RIMS1: variants seen among roughly 807,000 people sequenced by gnomAD.
The protein encoded by RIMS1 is regulating synaptic membrane exocytosis protein 1.
RIMS1 carries 83 observed loss-of-function variants against 214.1 expected under a neutral mutation model. The observed-to-expected ratio is 0.39, with a 90% CI of 0.32 to 0.47. The LOEUF (loss-of-function observed/expected upper bound fraction) is 0.47. RIMS1 is among the 20% of genes least tolerant of loss of function. RIMS1 has a pLI of 0.99. For synonymous variants in RIMS1, 793 were observed against 786.8 expected (o/e 1.01, Z -0.13); for missense variants, 2,050 against 2,161.8 (o/e 0.95, Z 1.03).
intron 26 of RIMS1, among the ~76,000 whole-genome samples, chr6:72,306,677 G>A (rs1172280682): frequency 4.6e-5 from 7 of 152,182 alleles, no homozygotes; most frequent in Admixed American, 4.6e-4. Flanking sequence ...ATAAGGAATA[G>A]TGAGCTAATC....
At chr6:72,164,328 C>T (rs1037435356) in intron 4 of RIMS1, among the ~76,000 whole-genome samples, 1 of 152,132 alleles carries the variant, frequency 6.6e-6, no homozygotes, top group Non-Finnish European at 1.5e-5. Flanking sequence ...TCCCTGATCC[C>T]TTGTGCTTCC....
intron 4 of RIMS1, among the ~76,000 whole-genome samples, chr6:72,152,079 C>A (rs569500853): frequency 2.0e-5 from 3 of 152,128 alleles, no homozygotes; most frequent in African/African-American, 4.8e-5. Flanking sequence ...TTCTCCCCCA[C>A]GATCCAAACC....
chr6:72,011,885 C>T (rs1246431889), intron 2 of RIMS1, among the ~76,000 whole-genome samples: 10 of 152,166 alleles, frequency 6.6e-5, no homozygotes, highest in South Asian at 2.1e-4. Flanking sequence ...GTTGGTGGGA[C>T]GGTAAACTAG....
intron 4 of RIMS1, among the ~76,000 whole-genome samples, chr6:72,139,144 T>C (rs112940374): frequency 0.011 from 1,699 of 152,216 alleles, 10 homozygotes; most frequent in Non-Finnish European, 0.017. Flanking sequence ...GCATATAGTG[T>C]TGGAAGGATA....
intron 24 of RIMS1, among the ~76,000 whole-genome samples, chr6:72,289,933 AGTT>A (rs1392226286): frequency 3.3e-5 from 5 of 152,162 alleles, no homozygotes; most frequent in Non-Finnish European, 7.4e-5. Flanking sequence ...TATAAACATC[AGTT>A]GTTTATTTTT....
intron 6 of RIMS1, among the ~76,000 whole-genome samples, chr6:72,202,011 A>C (rs150040381): frequency 2.6e-5 from 4 of 152,240 alleles, no homozygotes; most frequent in African/African-American, 9.6e-5. Flanking sequence ...GGCATTTCTG[A>C]TTCTTACTGC....
At chr6:72,309,613 CTTTTT>C (rs2095413061) in intron 27 of RIMS1, among the ~76,000 whole-genome samples, 1 of 151,996 alleles carries the variant, frequency 6.6e-6, no homozygotes, top group Admixed American at 6.6e-5. Context: ...CATAGGCACC[CTTTTT>C]CTTTTCCTCT....
intron 6 of RIMS1, among the ~76,000 whole-genome samples, chr6:72,229,126 A>C (rs1031131157): frequency 3.3e-5 from 5 of 151,828 alleles, no homozygotes; most frequent in African/African-American, 1.2e-4. Flanking sequence ...GCTGAAGCCC[A>C]GTGGTCTGAA....
At chr6:72,103,487 T>G (rs1247036215) in intron 4 of RIMS1, among the ~76,000 whole-genome samples, 2 of 152,094 alleles carry the variant, frequency 1.3e-5, no homozygotes, top group African/African-American at 4.8e-5. Flanking sequence ...GAAATTATAA[T>G]TTTTCAAATC....
chr6:72,250,229 A>G (rs2072561928), intron 12 of RIMS1, 101 bp from the exon 13 acceptor site: 2 of 1,109,370 alleles, frequency 1.8e-6, no homozygotes, highest in Non-Finnish European at 1.3e-6. Context: ...TTATATTGTA[A>G]TTCAAAATTT....
chr6:71,907,469 C>G (rs1775586083), intron 1 of RIMS1, among the ~76,000 whole-genome samples: 1 of 152,080 alleles, frequency 6.6e-6, no homozygotes, highest in Non-Finnish European at 1.5e-5. Context: ...TAAAAATGCT[C>G]TCTAAAATGT....
At chr6:72,176,400 G>T (rs2047714023) in intron 4 of RIMS1, among the ~76,000 whole-genome samples, 1 of 152,108 alleles carries the variant, frequency 6.6e-6, no homozygotes, top group Admixed American at 6.5e-5. Context: ...GTAGAGGTCT[G>T]CAATGTTTGG....
chr6:71,985,791 G>C (rs908227829), intron 2 of RIMS1, among the ~76,000 whole-genome samples: 1 of 152,034 alleles, frequency 6.6e-6, no homozygotes, highest in South Asian at 2.1e-4. Flanking sequence ...TCTTTCCTCT[G>C]CCTGGAGTGC....
chr6:72,107,997 G>C (rs1562326902), intron 4 of RIMS1, among the ~76,000 whole-genome samples: 2 of 151,894 alleles, frequency 1.3e-5, no homozygotes, highest in Non-Finnish European at 2.9e-5. Context: ...TTTTTTGTTT[G>C]TTTGTTTTGT....
intron 2 of RIMS1, among the ~76,000 whole-genome samples, chr6:72,083,430 G>A (rs1206787182): frequency 2.0e-5 from 3 of 151,978 alleles, no homozygotes; most frequent in Admixed American, 1.3e-4. Context: ...ATCTTCTGGA[G>A]TTTCCACAAA....
At chr6:72,263,658 G>C (rs1378818046) in intron 19 of RIMS1, 18 of 985,240 alleles carry the variant, frequency 1.8e-5, no homozygotes, top group Non-Finnish European at 2.0e-5. Flanking sequence ...AGAGTCGACT[G>C]TCTAGAAAGG....
At chr6:72,330,706 A>C (rs1356123373) in intron 28 of RIMS1, among the ~76,000 whole-genome samples, 1 of 151,808 alleles carries the variant, frequency 6.6e-6, no homozygotes, top group Non-Finnish European at 1.5e-5. Context: ...ATAATTTTTC[A>C]AGAAACAGAA....
chr6:71,888,339 T>G (rs1441923533), intron 1 of RIMS1, among the ~76,000 whole-genome samples: 1 of 152,120 alleles, frequency 6.6e-6, no homozygotes, highest in African/African-American at 2.4e-5. Flanking sequence ...GTCCCCTGCT[T>G]AGGCTGGAAG....
At chr6:72,264,049 A>C (rs2079305446) in intron 19 of RIMS1, 1 of 829,164 alleles carries the variant, frequency 1.2e-6, no homozygotes, top group Non-Finnish European at 1.5e-6. Flanking sequence ...TGAAGTTTTA[A>C]GGGATTTCCT....
Sources: allele counts gnomAD v4.1 joint callset (sites outside exome capture counted in the v4.1 genomes callset), GRCh38; gene constraint gnomAD v4.1.1; transcripts MANE v1.5; gene names NCBI Gene and HGNC (gene_info 2026-07-23, HGNC 2026-07-21).